The following EFCAB3 variants were observed in gnomAD, a reference collection of about 807,000 sequenced individuals.
EFCAB3 encodes EF-hand calcium-binding domain-containing protein 3.
In EFCAB3, 36 loss-of-function variants were observed where a neutral mutation model predicts 42.2. The ratio of observed to expected loss-of-function variants is 0.85; its 90% CI spans 0.65 to 1.13. The LOEUF (loss-of-function observed/expected upper bound fraction) is 1.13. EFCAB3 is among the 50% of genes most tolerant of loss of function. The pLI, the probability that EFCAB3 is intolerant of heterozygous loss-of-function variation, is 0.00. For synonymous variants in EFCAB3, 170 were observed against 172.8 expected, an observed-to-expected ratio of 0.98 and a Z score of 0.13; for missense variants, 418 against 505.1, an observed-to-expected ratio of 0.83 and a Z score of 1.65.
intron 6 of EFCAB3, 130 bp downstream of exon 6, chr17:62,395,318 G>T: frequency 8.5e-7 from 1 of 1,174,372 alleles, no homozygotes; most frequent in East Asian, 2.4e-5. Context: ...GAAGGTATCT[G>T]GGCAAATGCC....
intron 5 of EFCAB3, among the ~76,000 whole-genome samples, chr17:62,394,820 G>A (rs1318117737): frequency 2.6e-5 from 4 of 152,136 alleles, no homozygotes; most frequent in African/African-American, 4.8e-5. Context: ...CAAAATTCAT[G>A]TTTGTGTTAA....
chr17:62,415,296 T>G (rs1363837853), intron 9 of EFCAB3, among the ~76,000 whole-genome samples: 1 of 152,104 alleles, frequency 6.6e-6, no homozygotes, highest in Non-Finnish European at 1.5e-5. Context: ...AGTGAACATG[T>G]CCCTCTCAAT....
At chr17:62,385,861 AGGC>A (rs2070244960) in intron 2 of EFCAB3, among the ~76,000 whole-genome samples, 1 of 149,960 alleles carries the variant, frequency 6.7e-6, no homozygotes, top group Non-Finnish European at 1.5e-5. Flanking sequence ...CTGGGACTAC[AGGC>A]GCCCGCCACC....
At position 62,391,859 on chromosome 17, in the gene EFCAB3, A is replaced by G. The variant is rs144327021; in HGVS notation, c.189A>G (p.Lys63=). Residue 63 remains lysine, a synonymous_variant, in exon 4 of 10, where the codon AAA becomes AAG. Coordinates refer to ENST00000305286, the MANE Select transcript of EFCAB3 (RefSeq NM_173503.4). ...CCTACAACTTCTTCTACAAGGACAA[A>G]ACTGGCTGTATTGATTTCCATGGAC... ...QDAYNFFYKD[K]TGCIDFHGLM... The G allele has an allele frequency of 6.2e-5, 100 of 1,613,742 alleles. No homozygotes were observed. The highest frequency in any genetic ancestry group is 8.3e-5 in the Non-Finnish European group (98 of 1,179,806).
chr17:62,407,187 T>C lies in EFCAB3; in HGVS notation c.842T>C (p.Phe281Ser). ...TTGCATTTCTTTGAGGATTATTTTT[T>C]CCATAAAAGAGACTGGAAAACACAG... The part of the protein sequence containing the change: ...EPLHFFEDYF[F>S]HKRDWKTQAA... The change falls in exon 8 of 10, where the codon TTC becomes TCC. Residue 281 changes from phenylalanine (F) to serine (S), a missense_variant. Physicochemically the swap from Phe to Ser is radical, Grantham distance 155. Transcript: ENST00000305286. 1 of 1,590,906 alleles carries C rather than the reference T, an allele frequency of 6.3e-7. No individual in the cohort carries two copies. Among genetic ancestry groups the C allele is most frequent in the Non-Finnish European group, 8.5e-7 (1 of 1,173,050 alleles).
intron 6 of EFCAB3, among the ~76,000 whole-genome samples, chr17:62,402,079 G>T (rs961743359): frequency 3.9e-5 from 6 of 152,104 alleles, no homozygotes; most frequent in African/African-American, 1.4e-4. Context: ...CTCATGATTT[G>T]GCTCTCTGTT....
chr17:62,371,722 T>C (rs2070115982), intron 1 of EFCAB3, among the ~76,000 whole-genome samples: 1 of 152,134 alleles, frequency 6.6e-6, no homozygotes, highest in Non-Finnish European at 1.5e-5. Flanking sequence ...TAGGAAGAGA[T>C]ACACAGGGGA....
intron 6 of EFCAB3, among the ~76,000 whole-genome samples, chr17:62,405,516 G>T (rs923480683): frequency 6.6e-6 from 1 of 152,214 alleles, no homozygotes; most frequent in Admixed American, 6.5e-5. Flanking sequence ...CTTCTGCCCA[G>T]AACACTGAGA....
intron 8 of EFCAB3, among the ~76,000 whole-genome samples, chr17:62,409,796 C>T (rs2070479241): frequency 6.6e-6 from 1 of 151,610 alleles, no homozygotes; most frequent in Non-Finnish European, 1.5e-5. Context: ...ACTATATTTA[C>T]AAATATTATA....
At chr17:62,373,200 A>G (rs1474653266) in intron 1 of EFCAB3, among the ~76,000 whole-genome samples, 1 of 151,796 alleles carries the variant, frequency 6.6e-6, no homozygotes, top group African/African-American at 2.4e-5. Context: ...GAATCACTTG[A>G]ACCCAGGAGG....
At chr17:62,384,098 C>T (rs957999613) in intron 2 of EFCAB3, among the ~76,000 whole-genome samples, 6 of 152,120 alleles carry the variant, frequency 3.9e-5, no homozygotes, top group African/African-American at 1.4e-4. Flanking sequence ...GTGTCCTTGA[C>T]TATGCAAGCT....
intron 5 of EFCAB3, 30 bp from the exon 6 acceptor site, chr17:62,395,038 A>T: frequency 6.2e-7 from 1 of 1,608,850 alleles, no homozygotes; most frequent in Non-Finnish European, 8.5e-7. Context: ...GAAGGTATTT[A>T]AAAATCTATC....
intron 1 of EFCAB3, chr17:62,373,784 C>T: frequency 1.5e-6 from 2 of 1,328,902 alleles, no homozygotes; most frequent in Non-Finnish European, 2.1e-6. Flanking sequence ...TATGTGACTG[C>T]CTCTGTATCT....
upstream of EFCAB3, among the ~76,000 whole-genome samples, chr17:62,379,089 G>A (rs922573054): frequency 1.3e-5 from 2 of 152,074 alleles, no homozygotes; most frequent in Non-Finnish European, 2.9e-5. Context: ...TTATGTAATT[G>A]ATAAGGATCT....
rs141144491 is a variant in EFCAB3, at chr17:62,386,797, G to GTT, written c.75-535_75-534dup. 3.4e-4 allele frequency among the ~76,000 whole-genome samples: 51 copies of GTT among 150,480 alleles called. No individual in the cohort carries two copies. In the Middle Eastern group the frequency reaches 0.014, roughly 40 times the overall value. ...AATCGTAACTGGTTTTTTGGGGTTT[G>GTT]TTTTTTTTTGAGATAGGGTCTCACT... On this transcript the variant is annotated intron_variant, in intron 2 of 9. Coordinates refer to ENST00000305286, the MANE Select transcript of EFCAB3 (RefSeq NM_173503.4).
chr17:62,380,721 G>A, intron 1 of EFCAB3, 108 bp downstream of exon 1: 1 of 527,636 alleles, frequency 1.9e-6, no homozygotes, highest in Non-Finnish European at 2.4e-6. Context: ...TTGAGGTATG[G>A]GGATGATTTC....
chr17:62,414,380 T>C (rs1034091629), intron 9 of EFCAB3, among the ~76,000 whole-genome samples: 6 of 152,222 alleles, frequency 3.9e-5, no homozygotes, highest in African/African-American at 1.4e-4. Context: ...ACCTATGTAC[T>C]GATTACTGTT....
At position 62,386,884 on chromosome 17, in the gene EFCAB3, G is replaced by A. The variant is rs551003300; in HGVS notation, c.75-456G>A. Among the ~76,000 whole-genome samples, 156 of 152,224 alleles carry A rather than the reference G, an allele frequency of 1.0e-3. 1 individual carries two copies. The highest frequency in any genetic ancestry group is 9.3e-3 in the Admixed American group (142 of 15,296). ...ACTCAGTGCAGCCTTGACCTCCCAG[G>A]CACAAGCAATCCTCCCACCTCAGCC... On this transcript the variant is annotated intron_variant, in intron 2 of 9. Coordinates refer to ENST00000305286, the MANE Select transcript of EFCAB3 (RefSeq NM_173503.4).
rs1177295418 is a variant in EFCAB3 at position 62,382,960 on chromosome 17, C to G, written c.-17-3C>G. On this transcript the variant is annotated splice_polypyrimidine_tract_variant and splice_region_variant and intron_variant, in intron 1 of 9. Transcript: ENST00000305286. ...TTTCTTAATTGTATATTCTGAATTCCAGACAGAGTCACTGGCCACATGGCA... is the reference window on the plus strand; with the variant it reads ...TTTCTTAATTGTATATTCTGAATTCGAGACAGAGTCACTGGCCACATGGCA... The G allele has an allele frequency of 6.2e-7, 1 of 1,608,860 alleles. No homozygotes were observed. The highest frequency in any genetic ancestry group is 1.3e-5 in the African/African-American group (1 of 74,648).
Sources: gnomAD v4.1 joint callset for allele counts (sites outside exome capture counted in the v4.1 genomes callset) on GRCh38, gnomAD v4.1.1 for gene constraint, MANE v1.5 for transcripts, NCBI Gene and HGNC (gene_info 2026-07-23, HGNC 2026-07-21) for gene names.